TP63: variants seen among roughly 807,000 people sequenced by gnomAD.
The protein encoded by TP63 is tumor protein 63.
In TP63, 17 loss-of-function variants were observed where a neutral mutation model predicts 82.8. The observed-to-expected ratio is 0.21, with a 90% CI of 0.14 to 0.31. The LOEUF is 0.31. Ranked by LOEUF, TP63 falls within the 10% of genes least tolerant of loss-of-function variation. The pLI is 1.00. For missense variants in TP63, 648 were observed against 895.3 expected (o/e 0.72, Z 3.52); for synonymous variants, 330 against 321.7 (o/e 1.03, Z -0.28).
intron 3 of TP63, among the ~76,000 whole-genome samples, chr3:189,756,262 A>G (rs1167105729): frequency 1.3e-5 from 2 of 152,198 alleles, no homozygotes; most frequent in Non-Finnish European, 2.9e-5. Context: ...GTAAGAAAAT[A>G]TATTTCACAT....
At chr3:189,789,778 C>T in intron 3 of TP63, 1 of 1,587,330 alleles carries the variant, frequency 6.3e-7, no homozygotes, top group Non-Finnish European at 8.6e-7. Context: ...AGGACAGCAG[C>T]ATTGATCAAT....
chr3:189,746,646 C>T (rs945703801), intron 3 of TP63, among the ~76,000 whole-genome samples: 2 of 151,782 alleles, frequency 1.3e-5, no homozygotes, highest in Non-Finnish European at 2.9e-5. Flanking sequence ...AAAGACTACA[C>T]AAAAGTACCA....
intron 1 of TP63, among the ~76,000 whole-genome samples, chr3:189,640,926 C>A (rs1711802404): frequency 6.6e-6 from 1 of 152,100 alleles, no homozygotes; most frequent in African/African-American, 2.4e-5. Flanking sequence ...AGAAACATAT[C>A]AAAAATATAA....
At chr3:189,877,724 T>C (rs1719395694) in intron 10 of TP63, among the ~76,000 whole-genome samples, 1 of 152,210 alleles carries the variant, frequency 6.6e-6, no homozygotes. Flanking sequence ...CCGGATAAAC[T>C]GAGGCTCTGT....
intron 4 of TP63, among the ~76,000 whole-genome samples, chr3:189,834,939 C>G (rs1712915008): frequency 7.0e-6 from 1 of 141,926 alleles, no homozygotes; most frequent in South Asian, 2.2e-4. Flanking sequence ...TTTTTCTAAG[C>G]TTGAAGACAG....
chr3:189,716,286 T>A (rs1286059491), intron 1 of TP63, among the ~76,000 whole-genome samples: 1 of 152,226 alleles, frequency 6.6e-6, no homozygotes, highest in Non-Finnish European at 1.5e-5. Flanking sequence ...TATTTACTCT[T>A]GAGTGAGATC....
At chr3:189,845,621 C>A (rs976030450) in intron 4 of TP63, among the ~76,000 whole-genome samples, 1 of 151,096 alleles carries the variant, frequency 6.6e-6, no homozygotes. Context: ...TGTATTTAAG[C>A]CTTTCTTAGA....
At chr3:189,619,695 C>G in the TP63 span, among the ~76,000 whole-genome samples, 11 of 152,136 alleles carry the variant, frequency 7.2e-5, no homozygotes, top group African/African-American at 2.7e-4. Context: ...CTGTTAAGAA[C>G]CATATCTGTA....
At chr3:189,622,251 A>G in the TP63 span, among the ~76,000 whole-genome samples, 2 of 152,244 alleles carry the variant, frequency 1.3e-5, no homozygotes, top group African/African-American at 4.8e-5. Flanking sequence ...GGACCAGGAA[A>G]GAGACACTGA....
intron 1 of TP63, among the ~76,000 whole-genome samples, chr3:189,658,294 T>C (rs1467401467): frequency 1.3e-5 from 2 of 152,092 alleles, no homozygotes; most frequent in African/African-American, 2.4e-5. Context: ...CAAATTAATA[T>C]AGGAGAATAG....
intron 1 of TP63, among the ~76,000 whole-genome samples, chr3:189,694,964 C>T (rs1717254083): frequency 6.6e-6 from 1 of 151,610 alleles, no homozygotes; most frequent in Non-Finnish European, 1.5e-5. Flanking sequence ...CGCCACCACA[C>T]CTGGCTAAGT....
chr3:189,603,842 G>A, the TP63 span, among the ~76,000 whole-genome samples: 5 of 151,686 alleles, frequency 3.3e-5, no homozygotes, highest in Admixed American at 3.3e-4. Context: ...TAAAATGTTT[G>A]CCTTTTCATG....
At chr3:189,610,925 T>C in the TP63 span, among the ~76,000 whole-genome samples, 1 of 152,120 alleles carries the variant, frequency 6.6e-6, no homozygotes, top group African/African-American at 2.4e-5. Context: ...AAGAGAGCGC[T>C]TGTGCAGGAA....
intron 9 of TP63, among the ~76,000 whole-genome samples, chr3:189,871,163 T>C (rs1021606153): frequency 2.0e-5 from 3 of 152,136 alleles, no homozygotes; most frequent in Non-Finnish European, 2.9e-5. Context: ...GTATCCTTCT[T>C]AGTGTCATGT....
chr3:189,718,112 A>G (rs1163766988), intron 1 of TP63, among the ~76,000 whole-genome samples: 2 of 152,180 alleles, frequency 1.3e-5, no homozygotes, highest in East Asian at 3.9e-4. Context: ...TCTACAAGTG[A>G]TGGATTTTGA....
chr3:189,604,315 G>A, the TP63 span, among the ~76,000 whole-genome samples: 2 of 152,166 alleles, frequency 1.3e-5, no homozygotes, highest in Admixed American at 1.3e-4. Context: ...TGGCAGAGAG[G>A]TGCTCATTAA....
At chr3:189,645,863 C>T (rs1295300101) in intron 1 of TP63, among the ~76,000 whole-genome samples, 1 of 147,302 alleles carries the variant, frequency 6.8e-6, no homozygotes, top group Non-Finnish European at 1.5e-5. Context: ...GCATAGTATT[C>T]CATGGAATAT....
intron 10 of TP63, among the ~76,000 whole-genome samples, chr3:189,884,753 A>T (rs1720265442): frequency 1.3e-5 from 2 of 152,246 alleles, no homozygotes; most frequent in African/African-American, 4.8e-5. Context: ...CAGTGATTGT[A>T]AAATACACCT....
Position 189,719,534 on chromosome 3 carries a change from C to T in TP63, c.63-18206C>T, listed in dbSNP as rs528200699. ...TTATCATGCCATAAAATGTTATCTT[C>T]GAGTCTAGTCCAGCAAAGTTTTTCT... On this transcript the variant is annotated intron_variant, in intron 1 of 13. Coordinates refer to ENST00000264731, the MANE Select transcript of TP63 (RefSeq NM_003722.5). Among the ~76,000 whole-genome samples, 64 of 152,226 alleles carry T rather than the reference C, an allele frequency of 4.2e-4. 1 individual carries two copies. Among genetic ancestry groups the T allele is most frequent in the Non-Finnish European group, 1.9e-4 (13 of 68,024 alleles).
Sources: allele counts gnomAD v4.1 joint callset (sites outside exome capture counted in the v4.1 genomes callset), GRCh38; gene constraint gnomAD v4.1.1; transcripts MANE v1.5; gene names NCBI Gene and HGNC (gene_info 2026-07-23, HGNC 2026-07-21).